GSK3B: variants seen among roughly 807,000 people sequenced by gnomAD.
GSK3B encodes glycogen synthase kinase-3 beta.
Under a neutral mutation model 56.4 loss-of-function variants are expected in GSK3B, and 15 were observed. That is an observed-to-expected ratio of 0.27 (90% confidence interval 0.18 to 0.41). The LOEUF is 0.41. GSK3B is among the 10% of genes least tolerant of loss of function. The probability of loss-of-function intolerance (pLI) is 1.00; values close to 1 mark genes in which losing one functional copy is unlikely to be tolerated. For missense variants in GSK3B, 300 were observed against 513.4 expected, an observed-to-expected ratio of 0.58 and a Z score of 4.02; for synonymous variants, 181 against 188.9, an observed-to-expected ratio of 0.96 and a Z score of 0.34.
intron 7 of GSK3B, among the ~76,000 whole-genome samples, chr3:119,879,511 ACT>A (rs1314480390): frequency 1.3e-5 from 2 of 150,974 alleles, no homozygotes; most frequent in African/African-American, 4.9e-5. Flanking sequence ...ATCCAATTAT[ACT>A]CTTTTAGGTA....
chr3:120,093,612 G>A lies in GSK3B; in HGVS notation c.-178C>T, dbSNP rs200349278. 3.8e-6 allele frequency: 2 copies of A among 530,252 alleles called. No homozygotes were observed. Among genetic ancestry groups the A allele is most frequent in the Non-Finnish European group, 6.8e-6 (2 of 292,928 alleles). The allele number at this position is 530,252 out of a possible 1,614,324, so 32.8% of individuals were successfully genotyped here. On this transcript the variant is annotated 5_prime_UTR_variant, in exon 1 of 11. Transcript: ENST00000264235. ...TTGTATACTATAAAAAACAAAACAA[G>A]CGATATATTTCTCCTTCAAGACAGA...
At chr3:119,930,868 T>A (rs564151003) in intron 3 of GSK3B, among the ~76,000 whole-genome samples, 11 of 152,222 alleles carry the variant, frequency 7.2e-5, no homozygotes, top group Non-Finnish European at 1.5e-5. Flanking sequence ...TATCCCTTTA[T>A]TGGCCACATA....
intron 6 of GSK3B, among the ~76,000 whole-genome samples, chr3:119,912,395 G>GTGACACAAAGACATGA (rs1242959814): frequency 6.6e-6 from 1 of 151,878 alleles, no homozygotes; most frequent in African/African-American, 2.4e-5. Context: ...TTACCAAAAT[G>GTGACACAAAGACATGA]TGACACAAAG....
Position 119,863,464 on chromosome 3 carries a change from G to C in GSK3B, c.1051C>G (p.Pro351Ala). Residue 351 changes from proline (P) to alanine (A), a missense_variant, in exon 9 of 11, where the codon CCA becomes GCA. Pro to Ala is a conservative substitution (Grantham distance 27). Coordinates refer to ENST00000264235, the MANE Select transcript of GSK3B (RefSeq NM_001146156.2). Reference protein sequence around the residue: ...DELRDPNVKLPNGRDTPALFN... With the variant: ...DELRDPNVKLANGRDTPALFN... ...AGTGCAGGTGTGTCTCGCCCATTTG[G>C]TAGTTTGACATTTGGGTCCCGTAAT... 1 of 1,614,028 alleles carries C rather than the reference G, an allele frequency of 6.2e-7. No homozygotes were observed. The highest frequency in any genetic ancestry group is 8.5e-7 in the Non-Finnish European group (1 of 1,179,922).
At chr3:119,913,452 A>AT (rs1383756122) in intron 5 of GSK3B, among the ~76,000 whole-genome samples, 1 of 152,006 alleles carries the variant, frequency 6.6e-6, no homozygotes, top group East Asian at 1.9e-4. Context: ...TCTTATTCCA[A>AT]TTTTCCTACT....
intron 2 of GSK3B, among the ~76,000 whole-genome samples, chr3:119,975,962 A>T (rs2057405168): frequency 6.6e-6 from 1 of 152,192 alleles, no homozygotes; most frequent in Non-Finnish European, 1.5e-5. Flanking sequence ...AACCACCAAT[A>T]AGCACATGAA....
intron 1 of GSK3B, among the ~76,000 whole-genome samples, chr3:120,030,269 C>T (rs893691217): frequency 5.3e-5 from 8 of 152,134 alleles, no homozygotes; most frequent in African/African-American, 1.7e-4. Context: ...ATACTCTCCC[C>T]AGATTATCTC....
chr3:120,079,970 T>C (rs941110038), intron 1 of GSK3B, among the ~76,000 whole-genome samples: 7 of 152,118 alleles, frequency 4.6e-5, no homozygotes, highest in African/African-American at 1.4e-4. Context: ...CAAAACCAAA[T>C]ACAGAAAGTC....
In GSK3B at chr3:120,072,850, C is replaced by A. The variant is rs115786620; in HGVS notation, c.88+20497G>T. On this transcript the variant is annotated intron_variant, in intron 1 of 10. Transcript: ENST00000264235. ...AGGACAGAGGCAGGTGAAGTGTTAA[C>A]ACTTCTGTTCTTGCCTTGGATCAAA... 5.3e-3 allele frequency among the ~76,000 whole-genome samples: 813 copies of A among 152,270 alleles called. 8 individuals are homozygous for A. The highest frequency in any genetic ancestry group is 0.018 in the African/African-American group (761 of 41,554).
chr3:120,016,758 T>A (rs1490712544), intron 1 of GSK3B, among the ~76,000 whole-genome samples: 1 of 152,198 alleles, frequency 6.6e-6, no homozygotes, highest in Non-Finnish European at 1.5e-5. Flanking sequence ...AACCAAACAA[T>A]AAACCTAAAA....
chr3:119,884,190 G>A (rs1034569706), intron 7 of GSK3B, among the ~76,000 whole-genome samples: 3 of 152,138 alleles, frequency 2.0e-5, no homozygotes, highest in African/African-American at 7.2e-5. Flanking sequence ...GGGGGCAAAG[G>A]AAGGCGAACA....
chr3:119,925,922 G>A (rs1472984447), intron 3 of GSK3B, among the ~76,000 whole-genome samples: 1 of 152,098 alleles, frequency 6.6e-6, no homozygotes, highest in Non-Finnish European at 1.5e-5. Flanking sequence ...TCATCTATTT[G>A]ACTTGGCACT....
intron 2 of GSK3B, among the ~76,000 whole-genome samples, chr3:119,992,820 A>T (rs2057577476): frequency 6.6e-6 from 1 of 152,136 alleles, no homozygotes; most frequent in Admixed American, 6.5e-5. Flanking sequence ...CCTTGAATAC[A>T]TGAAAAGATG....
chr3:119,861,601 G>T, intron 9 of GSK3B, among the ~76,000 whole-genome samples: 1 of 151,786 alleles, frequency 6.6e-6, no homozygotes, highest in East Asian at 1.9e-4. Context: ...GGACATCTGT[G>T]TCTTTATTGC....
chr3:120,075,542 G>A (rs1175952299), intron 1 of GSK3B, among the ~76,000 whole-genome samples: 1 of 152,036 alleles, frequency 6.6e-6, no homozygotes, highest in Non-Finnish European at 1.5e-5. Context: ...TAAAGTTGTA[G>A]GATATAAAAT....
intron 10 of GSK3B, among the ~76,000 whole-genome samples, chr3:119,831,694 T>C (rs1339377400): frequency 2.0e-5 from 3 of 151,510 alleles, no homozygotes; most frequent in Non-Finnish European, 2.9e-5. Context: ...GAGTTTATGA[T>C]AAGAAAAATT....
At chr3:120,069,016 G>A (rs1288484604) in intron 1 of GSK3B, among the ~76,000 whole-genome samples, 10 of 152,040 alleles carry the variant, frequency 6.6e-5, no homozygotes, top group Non-Finnish European at 4.4e-5. Flanking sequence ...AGGGTAACAA[G>A]AAAGGAAGGA....
chr3:120,081,373 CCT>C (rs1410694329), intron 1 of GSK3B, among the ~76,000 whole-genome samples: 61 of 151,960 alleles, frequency 4.0e-4, no homozygotes, highest in African/African-American at 1.4e-3. Flanking sequence ...ATGGTGAAAC[CCT>C]GTCTCTACTA....
At position 119,825,359 on chromosome 3, in the gene GSK3B, A is replaced by G. The variant is rs1231663590; in HGVS notation, c.*1429T>C. 4.3e-6 allele frequency: 1 copy of G among 230,950 alleles called. No individual in the cohort carries two copies. 14.3% of individuals were successfully genotyped at this position (230,950 alleles called of 1,614,324 possible). A position where few individuals can be genotyped will look rare whatever the true frequency, so the allele number is the denominator to read the frequency against. On this transcript the variant is annotated 3_prime_UTR_variant, in exon 11 of 11. Transcript: ENST00000264235. ...AATATTGCTTTTTCTTCAAAAAGAG[A>G]GACTGATTCTTAACATCGTTCACTG... is the stretch of plus-strand genomic sequence containing the variant.
Sources: allele counts gnomAD v4.1 joint callset (sites outside exome capture counted in the v4.1 genomes callset), GRCh38; gene constraint gnomAD v4.1.1; transcripts MANE v1.5; gene names NCBI Gene and HGNC (gene_info 2026-07-23, HGNC 2026-07-21).